Variants in RAB7B observed in about 807,000 individuals in gnomAD.
RAB7B encodes ras-related protein Rab-7b.
chr1:205,989,278 G>A (rs982659051), intron 4 of RAB7B, among the ~76,000 whole-genome samples: 228 of 152,188 alleles, frequency 1.5e-3, no homozygotes, highest in Middle Eastern at 0.014. Context: ...ACTCACCACA[G>A]ATCCCAGAGA....
intron 4 of RAB7B, among the ~76,000 whole-genome samples, chr1:205,986,292 C>A (rs1660602623): frequency 6.6e-6 from 1 of 152,212 alleles, no homozygotes; most frequent in Non-Finnish European, 1.5e-5. Flanking sequence ...CTGTGTTAGT[C>A]ACTTTATCAT....
intron 2 of RAB7B, 85 bp from the exon 3 acceptor site, chr1:205,993,631 GC>G (rs1660762584): frequency 2.5e-6 from 1 of 397,166 alleles, no homozygotes; most frequent in Non-Finnish European, 4.4e-6. Flanking sequence ...ATCTTCCCAG[GC>G]CCCTCTTGCC....
At chr1:205,995,422 G>C (rs1390067648) in intron 1 of RAB7B, among the ~76,000 whole-genome samples, 1 of 152,178 alleles carries the variant, frequency 6.6e-6, no homozygotes, top group African/African-American at 2.4e-5. Flanking sequence ...AAATCAGTAT[G>C]TTGAAGAGAT....
chr1:205,990,864 T>C (rs1660710002), intron 4 of RAB7B, among the ~76,000 whole-genome samples: 1 of 149,702 alleles, frequency 6.7e-6, no homozygotes, highest in Non-Finnish European at 1.5e-5. Context: ...CGCGGCTCAC[T>C]GCAACTTCCG....
intron 5 of RAB7B, among the ~76,000 whole-genome samples, chr1:205,984,407 G>T (rs1256819459): frequency 6.6e-6 from 1 of 152,164 alleles, no homozygotes; most frequent in Non-Finnish European, 1.5e-5. Context: ...CCATGAGGGC[G>T]GCGGATGCTT....
chr1:205,988,699 T>C (rs1008351874), intron 4 of RAB7B, among the ~76,000 whole-genome samples: 5 of 152,352 alleles, frequency 3.3e-5, no homozygotes, highest in Admixed American at 2.6e-4. Context: ...TCAGGAAGTC[T>C]GTGTTCTGGT....
rs1311849216 is a variant in RAB7B at position 205,977,871 on chromosome 1, C to T, written c.*980G>A. ...CACTTCATCTAAAATAGCAACTCATCCCACCCCCTGTCACTCTATCCCATT... is the reference window on the plus strand; with the variant it reads ...CACTTCATCTAAAATAGCAACTCATTCCACCCCCTGTCACTCTATCCCATT... On this transcript the variant is annotated 3_prime_UTR_variant, in exon 6 of 6. Transcript: ENST00000617070. 3.3e-5 allele frequency: 5 copies of T among 152,296 alleles called. No homozygotes were observed. The highest frequency in any genetic ancestry group is 1.2e-4 in the African/African-American group (5 of 41,542). 9.4% of individuals were successfully genotyped at this position (152,296 alleles called of 1,614,324 possible). A position where few individuals can be genotyped will look rare whatever the true frequency, so the allele number is the denominator to read the frequency against.
intron 1 of RAB7B, among the ~76,000 whole-genome samples, chr1:205,999,181 C>A (rs1026371719): frequency 2.2e-3 from 332 of 152,128 alleles, no homozygotes; most frequent in Middle Eastern, 0.014. Flanking sequence ...AGGCCAGCGG[C>A]GTGCTTAGGA....
At chr1:205,989,167 C>G (rs946212796) in intron 4 of RAB7B, among the ~76,000 whole-genome samples, 1 of 152,086 alleles carries the variant, frequency 6.6e-6, no homozygotes, top group East Asian at 1.9e-4. Flanking sequence ...CCTCCATCCT[C>G]TCCAGGGACC....
intron 5 of RAB7B, among the ~76,000 whole-genome samples, chr1:205,985,028 G>C (rs1202083519): frequency 6.6e-6 from 1 of 152,156 alleles, no homozygotes; most frequent in African/African-American, 2.4e-5. Flanking sequence ...TGCCTCTTGA[G>C]ACAGAGGGTC....
chr1:205,983,028 T>C (rs1324352669), intron 5 of RAB7B, among the ~76,000 whole-genome samples: 2 of 152,184 alleles, frequency 1.3e-5, no homozygotes, highest in Non-Finnish European at 2.9e-5. Context: ...AGGTCCTGGG[T>C]GAGCTCCTGA....
At chr1:206,000,354 G>A (rs1660871779) in intron 1 of RAB7B, among the ~76,000 whole-genome samples, 1 of 152,226 alleles carries the variant, frequency 6.6e-6, no homozygotes, top group South Asian at 2.1e-4. Context: ...TTAAAAAGAT[G>A]TGTGGATGGC....
chr1:206,002,774 T>C (rs1439747321), intron 1 of RAB7B, among the ~76,000 whole-genome samples: 3 of 152,174 alleles, frequency 2.0e-5, no homozygotes, highest in African/African-American at 7.2e-5. Flanking sequence ...GAAATATTTA[T>C]GATTTAGAAC....
At chr1:205,980,210 T>C (rs1278416579) in intron 5 of RAB7B, among the ~76,000 whole-genome samples, 2 of 152,196 alleles carry the variant, frequency 1.3e-5, no homozygotes, top group South Asian at 2.1e-4. Context: ...CCCACCCTGG[T>C]AGGATCTTGG....
At chr1:205,984,458 C>T (rs1660554361) in intron 5 of RAB7B, among the ~76,000 whole-genome samples, 1 of 152,192 alleles carries the variant, frequency 6.6e-6, no homozygotes, top group African/African-American at 2.4e-5. Context: ...CTCATTTGCC[C>T]ATTTCCTCAA....
intron 5 of RAB7B, among the ~76,000 whole-genome samples, chr1:205,979,800 C>A (rs1660455622): frequency 6.6e-6 from 1 of 152,150 alleles, no homozygotes; most frequent in Non-Finnish European, 1.5e-5. Context: ...TGAGCAGGGG[C>A]AGAGCATCCT....
chr1:205,994,016 A>T, intron 2 of RAB7B, 67 bp downstream of exon 2: 1 of 398,500 alleles, frequency 2.5e-6, no homozygotes, highest in Non-Finnish European at 4.4e-6. Flanking sequence ...ATGGGAACAC[A>T]TCAGGAGGTC....
chr1:205,994,920 A>G (rs2102641896), intron 1 of RAB7B, among the ~76,000 whole-genome samples: 1 of 152,370 alleles, frequency 6.6e-6, no homozygotes, highest in South Asian at 2.1e-4. Context: ...GAAAATGCTC[A>G]TGCCCTAGGA....
At chr1:205,981,013 A>G (rs916811020) in intron 5 of RAB7B, among the ~76,000 whole-genome samples, 2 of 151,316 alleles carry the variant, frequency 1.3e-5, no homozygotes, top group Non-Finnish European at 2.9e-5. Context: ...TGATCCTCCC[A>G]CCTTAGCCTC....
Sources: gnomAD v4.1 joint callset for allele counts (sites outside exome capture counted in the v4.1 genomes callset) on GRCh38, gnomAD v4.1.1 for gene constraint, MANE v1.5 for transcripts, NCBI Gene and HGNC (gene_info 2026-07-23, HGNC 2026-07-21) for gene names.